P2RY13: variants seen among roughly 807,000 people sequenced by gnomAD.
The protein encoded by P2RY13 is purinergic receptor P2Y13, also known as P2Y purinoceptor 13.
For missense variants in P2RY13, 412 were observed against 418.4 expected, an observed-to-expected ratio of 0.98 and a Z score of 0.13; for synonymous variants, 150 against 155.1, an observed-to-expected ratio of 0.97 and a Z score of 0.24.
chr3:151,329,473 A>C lies in P2RY13; in HGVS notation c.48+8T>G. The C allele has an allele frequency of 1.3e-6, 2 of 1,534,196 alleles. No individual in the cohort carries two copies. The highest frequency in any genetic ancestry group is 2.5e-5 in the East Asian group (1 of 40,568). On this transcript the variant is annotated splice_region_variant and intron_variant, in intron 1 of 1. Transcript: ENST00000325602. ...AGCACACTCATAATAACAAAAATTG[A>C]AATTCACCTTTGGGAGGATACTCAG...
chr3:151,328,964 T>C lies in P2RY13; in HGVS notation c.92A>G (p.Asn31Ser), dbSNP rs774782565. The C allele has an allele frequency of 1.2e-6, 2 of 1,613,176 alleles. No individual in the cohort carries two copies. The highest frequency in any genetic ancestry group is 2.7e-5 in the African/African-American group (2 of 74,902). ...AMNTTVMQGF[N>S]RSERCPRDTR... ...GTCTCTGGGGCACCGCTCAGATCTG[T>C]TGAAGCCTTGCATCACTGTGGTGTT... is the stretch of plus-strand genomic sequence containing the variant. Residue 31 changes from asparagine (N) to serine (S), a missense_variant, in exon 2 of 2, where the codon AAC (asparagine) becomes AGC (serine). Coordinates refer to ENST00000325602, the MANE Select transcript of P2RY13 (RefSeq NM_176894.3).
chr3:151,328,796 A>C lies in P2RY13; in HGVS notation c.260T>G (p.Val87Gly). ...TFIIYLKNTL[V>G]ADLIMTLMLP... Reference sequence around the variant, plus strand: ...CATGAGTGTCATTATCAAGTCGGCCACCAAAGTGTTTTTGAGGTAGATGAT... The same window carrying C: ...CATGAGTGTCATTATCAAGTCGGCCCCCAAAGTGTTTTTGAGGTAGATGAT... Residue 87 changes from valine (V) to glycine (G), a missense_variant, in exon 2 of 2, where the codon GTG becomes GGG. Val to Gly is a moderately radical substitution (Grantham distance 109, BLOSUM62 -3). Coordinates refer to ENST00000325602, the MANE Select transcript of P2RY13 (RefSeq NM_176894.3). 1.9e-6 allele frequency: 3 copies of C among 1,613,998 alleles called. No homozygotes were observed. The highest frequency in any genetic ancestry group is 2.5e-6 in the Non-Finnish European group (3 of 1,179,942).
Position 151,328,858 on chromosome 3 carries a change from C to A in P2RY13, c.198G>T (p.Leu66=), listed in dbSNP as rs753476138. 4 of 1,613,992 alleles carry A rather than the reference C, an allele frequency of 2.5e-6. No homozygotes were observed. The highest frequency in any genetic ancestry group is 3.4e-6 in the Non-Finnish European group (4 of 1,179,940). The change falls in exon 2 of 2, where the codon CTG becomes CTT. Residue 66 remains leucine (L), a synonymous_variant. Coordinates refer to ENST00000325602, the MANE Select transcript of P2RY13 (RefSeq NM_176894.3). ...AGCTGGGGATGTGAACAAACACCCA[C>A]AGAGCCAAAGTATTCAGCAGGATGC... ...LTGILLNTLA[L]WVFVHIPSSS... is the part of the protein sequence containing the mutation.
chr3:151,328,945 G>A lies in P2RY13; in HGVS notation c.111C>T (p.Pro37=). Residue 37 remains proline (P), a synonymous_variant, in exon 2 of 2, where the codon CCC becomes CCT. Coordinates refer to ENST00000325602, the MANE Select transcript of P2RY13 (RefSeq NM_176894.3). ...CCAGCTGTACTATCCGAGTGTCTCT[G>A]GGGCACCGCTCAGATCTGTTGAAGC... ...MQGFNRSERC[P]RDTRIVQLVF... 1 of 1,613,734 alleles carries A rather than the reference G, an allele frequency of 6.2e-7. No individual in the cohort carries two copies. Among genetic ancestry groups the A allele is most frequent in the Non-Finnish European group, 8.5e-7 (1 of 1,179,698 alleles).
Position 151,327,757 on chromosome 3 carries a change from A to G in P2RY13, c.*234T>C. On this transcript the variant is annotated 3_prime_UTR_variant, in exon 2 of 2. Transcript: ENST00000325602. The stretch of plus-strand genomic sequence containing the variant: ...ATTAAAAAAAAAAAAAAAGAAAGAA[A>G]GAAATAATGACCTCTAGTGGCCATT... 2.7e-6 allele frequency: 1 copy of G among 363,728 alleles called. No individual in the cohort carries two copies. The allele number at this position is 363,728 out of a possible 1,614,324, so 22.5% of individuals were successfully genotyped here. A position where few individuals can be genotyped will look rare whatever the true frequency, so the allele number is the denominator to read the frequency against.
In P2RY13 at chr3:151,328,126, A is replaced by G. The variant is rs530005889; in HGVS notation, c.930T>C (p.Ile310=). The G allele has an allele frequency of 1.9e-6, 3 of 1,613,056 alleles. No homozygotes were observed. The African/African-American group carries it at 4.0e-5, about 22-fold the overall frequency. Residue 310 remains isoleucine (I), a synonymous_variant, in exon 2 of 2, where the codon ATT becomes ATC. Transcript: ENST00000325602. ...ATATGTATATTAAGGGATCCATACA[A>G]ATGTTAGTTGCTGCCAAAAAGAGAG... ...ETTLFLAATN[I]CMDPLIYIFL... is the part of the protein sequence containing the mutation.
At position 151,329,070 on chromosome 3, in the gene P2RY13, GC is replaced by G. The variant is rs1262810488; in HGVS notation, c.49-64del. The G allele has an allele frequency of 1.0e-5, 13 of 1,261,394 alleles. No individual in the cohort carries two copies. In the East Asian group the frequency reaches 3.1e-4, roughly 30 times the overall value. 78.1% of individuals were successfully genotyped at this position (1,261,394 alleles called of 1,614,324 possible). Reference sequence around the variant, plus strand: ...AAAAAGCCCTTCATGATTTTCAAATGCTATTTTTTAAAAACAGACTTTATGT... The same window carrying G: ...AAAAAGCCCTTCATGATTTTCAAATGTATTTTTTAAAAACAGACTTTATGT... On this transcript the variant is annotated intron_variant, in intron 1 of 1. Transcript: ENST00000325602.
In P2RY13 at chr3:151,327,826, G is replaced by T; in HGVS notation, c.*165C>A. 1 of 498,576 alleles carries T rather than the reference G, an allele frequency of 2.0e-6. No individual in the cohort carries two copies. Among genetic ancestry groups the T allele is most frequent in the Non-Finnish European group, 3.5e-6 (1 of 288,900 alleles). 30.9% of individuals were successfully genotyped at this position (498,576 alleles called of 1,614,324 possible). A position where few individuals can be genotyped will look rare whatever the true frequency, so the allele number is the denominator to read the frequency against. ...CTTAGTAATGGTTCATTCAGCTTAT[G>T]AATAGATCTATGTGGATTTAAATTT... On this transcript the variant is annotated 3_prime_UTR_variant, in exon 2 of 2. Transcript: ENST00000325602.
rs144496684 is a variant in P2RY13, at chr3:151,328,653, C to G, written c.403G>C (p.Gly135Arg). 64 of 1,613,726 alleles carry G rather than the reference C, an allele frequency of 4.0e-5. No homozygotes were observed. The highest frequency in any genetic ancestry group is 2.6e-5 in the Non-Finnish European group (31 of 1,179,894). ...ETMYVGIVLLGLIAFDRFLKI... is the reference protein window; with the variant it reads ...ETMYVGIVLLRLIAFDRFLKI... The stretch of plus-strand genomic sequence containing the variant: ...AGGAATCTGTCAAAGGCTATGAGCC[C>G]TAACAGCACGATGCCCACATACATG... Residue 135 changes from glycine (G) to arginine (R), a missense_variant, in exon 2 of 2, where the codon GGG (glycine) becomes CGG (arginine). Transcript: ENST00000325602.
chr3:151,328,418 C>T lies in P2RY13; in HGVS notation c.638G>A (p.Cys213Tyr), dbSNP rs1362703932. ...AAAAACAGTCCAGAAAATAAACTGGCATATGTTATTTACCATTTGATGCCA... is the reference window on the plus strand; with the variant it reads ...AAAAACAGTCCAGAAAATAAACTGGTATATGTTATTTACCATTTGATGCCA... ...LKWHQMVNNI[C>Y]QFIFWTVFIL... Residue 213 changes from cysteine (C) to tyrosine (Y), a missense_variant, in exon 2 of 2, where the codon TGC becomes TAC. Cys to Tyr is a radical substitution (Grantham distance 194). Transcript: ENST00000325602. 2 of 1,613,212 alleles carry T rather than the reference C, an allele frequency of 1.2e-6. No homozygotes were observed. Among genetic ancestry groups the T allele is most frequent in the African/African-American group, 1.3e-5 (1 of 74,876 alleles).
rs772423641 is a variant in P2RY13, at chr3:151,328,980, C to T, written c.76G>A (p.Val26Met). ...KVTLEAMNTTVMQGFNRSERC... is the reference protein window; with the variant it reads ...KVTLEAMNTTMMQGFNRSERC... ...TCAGATCTGTTGAAGCCTTGCATCACTGTGGTGTTCATTGCTTCCAGTGTC... is the reference window on the plus strand; with the variant it reads ...TCAGATCTGTTGAAGCCTTGCATCATTGTGGTGTTCATTGCTTCCAGTGTC... Residue 26 changes from valine to methionine, a missense_variant, in exon 2 of 2, where the codon GTG becomes ATG. Physicochemically the swap from Val to Met is conservative, Grantham distance 21 (BLOSUM62 1). Coordinates refer to ENST00000325602, the MANE Select transcript of P2RY13 (RefSeq NM_176894.3). 2.3e-5 allele frequency: 37 copies of T among 1,605,270 alleles called. No homozygotes were observed. Among genetic ancestry groups the T allele is most frequent in the Non-Finnish European group, 4.3e-6 (5 of 1,175,708 alleles).
intron 1 of P2RY13, among the ~76,000 whole-genome samples, 182 bp from the exon 2 acceptor site, chr3:151,329,189 T>C (rs1750063301): frequency 6.6e-6 from 1 of 152,202 alleles, no homozygotes; most frequent in Non-Finnish European, 1.5e-5. Flanking sequence ...TTTTAAAGCA[T>C]ATAATACATT....
Position 151,329,499 on chromosome 3 carries a change from TTC to T in P2RY13, c.28_29del (p.Glu10ThrfsTer24). Reference protein sequence around the residue: MTAAIRRQRELSILPKVTLE... With the variant: MTAAIRRQRXLSILPKVTLE... ...AATTCACCTTTGGGAGGATACTCAG[TTC>T]TCTCTGTCTTCTTATGGCGGCAGTC... On this transcript the variant is annotated frameshift_variant, in exon 1 of 2. Transcript: ENST00000325602. LOFTEE classifies it low-confidence loss of function (END_TRUNC). 1 of 1,547,672 alleles carries T rather than the reference TTC, an allele frequency of 6.5e-7. No homozygotes were observed. The highest frequency in any genetic ancestry group is 8.7e-7 in the Non-Finnish European group (1 of 1,144,002).
Position 151,329,504 on chromosome 3 carries a change from T to C in P2RY13, c.25A>G (p.Arg9Gly), listed in dbSNP as rs1750109221. 1 of 1,548,210 alleles carries C rather than the reference T, an allele frequency of 6.5e-7. No homozygotes were observed. The highest frequency in any genetic ancestry group is 2.0e-5 in the Admixed American group (1 of 50,790). Residue 9 changes from arginine to glycine, a missense_variant, in exon 1 of 2, where the codon AGA becomes GGA. Transcript: ENST00000325602. ...ACCTTTGGGAGGATACTCAGTTCTC[T>C]CTGTCTTCTTATGGCGGCAGTCATT... MTAAIRRQ[R>G]ELSILPKVTL... is the part of the protein sequence containing the mutation.
Position 151,328,689 on chromosome 3 carries a change from A to G in P2RY13, c.367T>C (p.Phe123Leu), listed in dbSNP as rs200152293. The change falls in exon 2 of 2, where the codon TTT becomes CTT. Residue 123 changes from phenylalanine to leucine, a missense_variant. By Grantham distance (22) the Phe-to-Leu change is conservative (BLOSUM62 0). Coordinates refer to ENST00000325602, the MANE Select transcript of P2RY13 (RefSeq NM_176894.3). ...ATGCCCACATACATGGTCTCATAAA[A>G]TATCACCGAAGAAAAACGACACACA... The part of the protein sequence containing the change: ...AFVCRFSSVI[F>L]YETMYVGIVL... 1.2e-4 allele frequency: 193 copies of G among 1,614,020 alleles called. No homozygotes were observed. The highest frequency in any genetic ancestry group is 2.5e-4 in the Admixed American group (15 of 59,986).
chr3:151,328,000 G>A lies in P2RY13; in HGVS notation c.1056C>T (p.Thr352=), dbSNP rs377300847. 3.8e-6 allele frequency: 6 copies of A among 1,565,476 alleles called. No individual in the cohort carries two copies. Among genetic ancestry groups the A allele is most frequent in the African/African-American group, 1.4e-5 (1 of 72,792 alleles). The part of the protein sequence containing the change: ...ENHSSQTDNI[T]LG ...ACCCTATGTACAGTTGTCAGCCTAA[G>A]GTTATGTTGTCTGTCTGACTGCTAT... is the stretch of plus-strand genomic sequence containing the variant. Residue 352 remains threonine, a synonymous_variant, in exon 2 of 2, where the codon ACC becomes ACT. Coordinates refer to ENST00000325602, the MANE Select transcript of P2RY13 (RefSeq NM_176894.3).
chr3:151,328,151 G>C lies in P2RY13; in HGVS notation c.905C>G (p.Thr302Ser). 6.2e-7 allele frequency: 1 copy of C among 1,612,850 alleles called. No homozygotes were observed. Among genetic ancestry groups the C allele is most frequent in the Non-Finnish European group, 8.5e-7 (1 of 1,179,504 alleles). ...QNQLFIAKET[T>S]LFLAATNICM... ...AATGTTAGTTGCTGCCAAAAAGAGAGTTGTTTCTTTAGCAATAAACAGTTG... is the reference window on the plus strand; with the variant it reads ...AATGTTAGTTGCTGCCAAAAAGAGACTTGTTTCTTTAGCAATAAACAGTTG... Residue 302 changes from threonine to serine, a missense_variant, in exon 2 of 2, where the codon ACT (threonine) becomes AGT (serine). By Grantham distance (58) the Thr-to-Ser change is moderately conservative. Coordinates refer to ENST00000325602, the MANE Select transcript of P2RY13 (RefSeq NM_176894.3).
rs754757932 is a variant in P2RY13 at position 151,328,935 on chromosome 3, G to C, written c.121C>G (p.Arg41Gly). 1 of 1,613,656 alleles carries C rather than the reference G, an allele frequency of 6.2e-7. No individual in the cohort carries two copies. Among genetic ancestry groups the C allele is most frequent in the Non-Finnish European group, 8.5e-7 (1 of 1,179,628 alleles). Residue 41 changes from arginine to glycine, a missense_variant, in exon 2 of 2, where the codon CGG (arginine) becomes GGG (glycine). Transcript: ENST00000325602. ...GCTGGGAATACCAGCTGTACTATCC[G>C]AGTGTCTCTGGGGCACCGCTCAGAT... Reference protein sequence around the residue: ...NRSERCPRDTRIVQLVFPALY... With the variant: ...NRSERCPRDTGIVQLVFPALY...
At position 151,328,927 on chromosome 3, in the gene P2RY13, T is replaced by C; in HGVS notation, c.129A>G (p.Val43=). 1 of 1,613,852 alleles carries C rather than the reference T, an allele frequency of 6.2e-7. No individual in the cohort carries two copies. The highest frequency in any genetic ancestry group is 8.5e-7 in the Non-Finnish European group (1 of 1,179,778). Residue 43 remains valine, a synonymous_variant, in exon 2 of 2, where the codon GTA becomes GTG. Transcript: ENST00000325602. ...TGTAGAGGGCTGGGAATACCAGCTGTACTATCCGAGTGTCTCTGGGGCACC... is the reference window on the plus strand; with the variant it reads ...TGTAGAGGGCTGGGAATACCAGCTGCACTATCCGAGTGTCTCTGGGGCACC... ...SERCPRDTRI[V]QLVFPALYTV...
Sources: gnomAD v4.1 joint callset for allele counts (sites outside exome capture counted in the v4.1 genomes callset) on GRCh38, gnomAD v4.1.1 for gene constraint, MANE v1.5 for transcripts, NCBI Gene and HGNC (gene_info 2026-07-23, HGNC 2026-07-21) for gene names.